Variants in EFHD1 observed in about 807,000 individuals in gnomAD.
The protein encoded by EFHD1 is EF-hand domain-containing protein D1.
In EFHD1, 10 loss-of-function variants were observed where a neutral mutation model predicts 17.2. The observed-to-expected ratio is 0.58, with a 90% CI of 0.36 to 0.99. The LOEUF (loss-of-function observed/expected upper bound fraction) is 0.99, where lower values mean the gene tolerates loss of function less well. Among genes scored for constraint, EFHD1 ranks in the 50% least tolerant of loss-of-function variants. The pLI is 0.01. For synonymous variants in EFHD1, 153 were observed against 142.0 expected, an observed-to-expected ratio of 1.08 and a Z score of -0.55; for missense variants, 310 against 327.5, an observed-to-expected ratio of 0.95 and a Z score of 0.41.
At chr2:232,658,722 C>G (rs569454142) in intron 1 of EFHD1, among the ~76,000 whole-genome samples, 8 of 151,626 alleles carry the variant, frequency 5.3e-5, no homozygotes, top group Admixed American at 2.6e-4. Context: ...GACAGAAAGG[C>G]TAGTAGTTGC....
At chr2:232,610,766 A>G (rs1456317982) in intron 1 of EFHD1, 1 of 151,934 alleles carries the variant, frequency 6.6e-6, no homozygotes, top group Non-Finnish European at 1.5e-5. Flanking sequence ...AGTCGCGGCT[A>G]CTCAGGAGGC....
chr2:232,634,009 G>C lies in EFHD1; in HGVS notation c.302+3G>C. The C allele has an allele frequency of 6.3e-7, 1 of 1,597,282 alleles. No individual in the cohort carries two copies. Among genetic ancestry groups the C allele is most frequent in the Non-Finnish European group, 8.5e-7 (1 of 1,179,312 alleles). On this transcript the variant is annotated splice_donor_region_variant and intron_variant, in intron 1 of 3. Coordinates refer to ENST00000264059, the MANE Select transcript of EFHD1 (RefSeq NM_025202.4). ...GACCTGGAGAGCATGTTCAAACTGTGAGCTCCCGCTGCGCGCCCTTCGCCC... is the reference window on the plus strand; with the variant it reads ...GACCTGGAGAGCATGTTCAAACTGTCAGCTCCCGCTGCGCGCCCTTCGCCC...
intron 1 of EFHD1, among the ~76,000 whole-genome samples, chr2:232,635,374 A>G (rs1694299275): frequency 1.3e-5 from 2 of 152,184 alleles, no homozygotes; most frequent in South Asian, 2.1e-4. Flanking sequence ...GTGGCCACTC[A>G]GGCTTCTTTT....
chr2:232,626,732 A>G (rs1243793672), intron 1 of EFHD1, among the ~76,000 whole-genome samples: 1 of 152,140 alleles, frequency 6.6e-6, no homozygotes, highest in African/African-American at 2.4e-5. Context: ...CTTTCAGGAA[A>G]CATGAATTTT....
intron 1 of EFHD1, among the ~76,000 whole-genome samples, chr2:232,653,629 GA>G (rs1475457638): frequency 3.3e-5 from 5 of 152,198 alleles, no homozygotes; most frequent in Non-Finnish European, 4.4e-5. Context: ...TAAATAAAGG[GA>G]ACTTGGCTGA....
intron 1 of EFHD1, among the ~76,000 whole-genome samples, chr2:232,619,298 T>TTCTA (rs1693980407): frequency 9.4e-6 from 1 of 106,512 alleles, no homozygotes; most frequent in South Asian, 2.7e-4. Flanking sequence ...AAAGGGTGAT[T>TTCTA]TCTTTCTTTC....
intron 1 of EFHD1, among the ~76,000 whole-genome samples, chr2:232,639,450 G>A (rs1694383059): frequency 6.6e-6 from 1 of 151,942 alleles, no homozygotes; most frequent in Middle Eastern, 3.4e-3. Flanking sequence ...TTGTCTCAAA[G>A]CGCTGGGATC....
rs1420918212 is a variant in EFHD1, at chr2:232,634,014, C to T, written c.302+8C>T. 4 of 1,596,920 alleles carry T rather than the reference C, an allele frequency of 2.5e-6. No individual in the cohort carries two copies. The highest frequency in any genetic ancestry group is 1.3e-5 in the African/African-American group (1 of 74,786). On this transcript the variant is annotated splice_region_variant and intron_variant, in intron 1 of 3. Coordinates refer to ENST00000264059, the MANE Select transcript of EFHD1 (RefSeq NM_025202.4). The stretch of plus-strand genomic sequence containing the variant: ...GGAGAGCATGTTCAAACTGTGAGCT[C>T]CCGCTGCGCGCCCTTCGCCCCCGGG...
At chr2:232,674,187 G>A (rs1311630982) in intron 3 of EFHD1, among the ~76,000 whole-genome samples, 5 of 152,228 alleles carry the variant, frequency 3.3e-5, no homozygotes, top group South Asian at 2.1e-4. Flanking sequence ...GATAACAGGC[G>A]TGAGCCACCG....
intron 2 of EFHD1, among the ~76,000 whole-genome samples, chr2:232,669,920 G>A (rs1044657867): frequency 1.4e-4 from 21 of 152,146 alleles, no homozygotes; most frequent in African/African-American, 4.3e-4. Context: ...TTTTAGGGAA[G>A]AGGGTTATGA....
At chr2:232,679,911 C>T (rs1197908628) in intron 3 of EFHD1, among the ~76,000 whole-genome samples, 1 of 151,828 alleles carries the variant, frequency 6.6e-6, no homozygotes, top group Non-Finnish European at 1.5e-5. Context: ...TGAGAGCTTC[C>T]AGTTCATGAT....
chr2:232,658,867 C>G (rs545127637), intron 1 of EFHD1, among the ~76,000 whole-genome samples: 28 of 152,198 alleles, frequency 1.8e-4, no homozygotes, highest in Non-Finnish European at 3.7e-4. Flanking sequence ...AAAATTAATG[C>G]ACTGTACAGT....
upstream of EFHD1, among the ~76,000 whole-genome samples, chr2:232,630,476 G>A (rs1017716836): frequency 1.3e-5 from 2 of 152,220 alleles, no homozygotes; most frequent in Non-Finnish European, 2.9e-5. Flanking sequence ...TTCTGTCTAG[G>A]CTGGGTGCCT....
At chr2:232,620,489 G>C (rs892605901) in intron 1 of EFHD1, among the ~76,000 whole-genome samples, 4 of 151,224 alleles carry the variant, frequency 2.6e-5, no homozygotes, top group Non-Finnish European at 5.9e-5. Flanking sequence ...GTGCTTAAGC[G>C]ATCCTCCTGC....
At chr2:232,611,299 C>A (rs1421189947) in intron 1 of EFHD1, among the ~76,000 whole-genome samples, 1 of 13,256 alleles carries the variant, frequency 7.5e-5, no homozygotes, top group African/African-American at 4.5e-4. Context: ...AACAAGCATC[C>A]TGGGGGTCGG....
rs114049725 is a variant in EFHD1, at chr2:232,612,546, A to C, written c.14+6373A>C. ...CGGACCCCATCATCAGACATAAGGG[A>C]AATGCTCCTTGAAACCACAATGAGA... On this transcript the variant is annotated intron_variant, in intron 1 of 3. Transcript: ENST00000409613. Among the ~76,000 whole-genome samples, 537 of 152,256 alleles carry C rather than the reference A, an allele frequency of 3.5e-3. 1 individual carries two copies. Among genetic ancestry groups the C allele is most frequent in the African/African-American group, 0.012 (505 of 41,552 alleles).
intron 1 of EFHD1, among the ~76,000 whole-genome samples, chr2:232,648,575 G>T (rs904289567): frequency 1.3e-5 from 2 of 152,158 alleles, no homozygotes; most frequent in African/African-American, 4.8e-5. Flanking sequence ...GATAGGCACA[G>T]CTGGGGACAC....
chr2:232,608,969 ATATCAC>A (rs971210450), intron 1 of EFHD1, among the ~76,000 whole-genome samples: 1 of 151,868 alleles, frequency 6.6e-6, no homozygotes, highest in African/African-American at 2.4e-5. Flanking sequence ...ATTTTGAAAC[ATATCAC>A]TATCACAATA....
At chr2:232,621,875 C>G (rs1419450348) in intron 1 of EFHD1, among the ~76,000 whole-genome samples, 4 of 152,186 alleles carry the variant, frequency 2.6e-5, no homozygotes, top group Non-Finnish European at 5.9e-5. Context: ...TCTTCTCACC[C>G]CTCTGTGCCC....
Sources: gnomAD v4.1 joint callset for allele counts (sites outside exome capture counted in the v4.1 genomes callset) on GRCh38, gnomAD v4.1.1 for gene constraint, MANE v1.5 for transcripts, NCBI Gene and HGNC (gene_info 2026-07-23, HGNC 2026-07-21) for gene names.